The following ROBO2 variants were observed in gnomAD, a reference collection of about 807,000 sequenced individuals.
ROBO2 encodes the protein roundabout homolog 2.
ROBO2 carries 53 observed loss-of-function variants against 160.8 expected under a neutral mutation model. The ratio of observed to expected loss-of-function variants is 0.33; its 90% CI spans 0.26 to 0.41. ROBO2 has a LOEUF of 0.41. Ranked by LOEUF, ROBO2 falls within the 10% of genes least tolerant of loss-of-function variation. The pLI, the probability that ROBO2 is intolerant of heterozygous loss-of-function variation, is 1.00. For missense variants in ROBO2, 1,577 were observed against 1,722.4 expected (o/e 0.92, Z 1.49); for synonymous variants, 664 against 611.7 (o/e 1.09, Z -1.26).
At position 77,522,909 on chromosome 3, in the gene ROBO2, G is replaced by A. The variant is rs776270292; in HGVS notation, c.934+7G>A. On this transcript the variant is annotated splice_region_variant and intron_variant, in intron 6 of 25. Transcript: ENST00000461745. ...GCTACACTCACCGTCCGAGGTAAGA[G>A]ATTTAAGATGTCAAAGATAATTGAA... 6.2e-7 allele frequency: 1 copy of A among 1,608,768 alleles called. No individual in the cohort carries two copies. The highest frequency in any genetic ancestry group is 1.3e-5 in the African/African-American group (1 of 74,662).
intron 2 of ROBO2, among the ~76,000 whole-genome samples, chr3:76,103,689 T>C (rs528256823): frequency 2.6e-4 from 39 of 152,260 alleles, no homozygotes; most frequent in African/African-American, 9.1e-4. Context: ...TTTGAAAAGG[T>C]TACTTAAAAA....
chr3:76,156,363 C>A (rs4490372), intron 2 of ROBO2, among the ~76,000 whole-genome samples: 3,272 of 152,156 alleles, frequency 0.022, 208 homozygotes, highest in East Asian at 0.21. Flanking sequence ...TATCAGACTG[C>A]AAAAGAAGCC....
chr3:77,433,905 C>T (rs2079037879), intron 2 of ROBO2, among the ~76,000 whole-genome samples: 1 of 152,000 alleles, frequency 6.6e-6, no homozygotes, highest in African/African-American at 2.4e-5. Flanking sequence ...ATGTATTTTC[C>T]TCTAAATATA....
At chr3:75,930,657 A>T (rs1454213382) in intron 1 of ROBO2, among the ~76,000 whole-genome samples, 2 of 152,134 alleles carry the variant, frequency 1.3e-5, no homozygotes, top group Non-Finnish European at 2.9e-5. Context: ...GCACTCGAAT[A>T]ATTCAGAGAT....
chr3:77,636,602 A>AT lies in ROBO2; in HGVS notation c.3934+1559_3934+1560insT, dbSNP rs1236450596. Among the ~76,000 whole-genome samples the AT allele has an allele frequency of 2.0e-5, 3 of 152,060 alleles. No homozygotes were observed. The East Asian group carries it at 5.8e-4, about 29-fold the overall frequency. ...GCAAGACTCCTTCTTAAAAAAAAAA[A>AT]GAAAAGGAAGAAGGAAAATAAAAGT... On this transcript the variant is annotated intron_variant, in intron 24 of 25. Coordinates refer to ENST00000461745, the Ensembl canonical transcript of ROBO2.
chr3:76,266,111 A>G (rs1298357927), intron 2 of ROBO2, among the ~76,000 whole-genome samples: 2 of 152,066 alleles, frequency 1.3e-5, no homozygotes, highest in African/African-American at 4.8e-5. Context: ...TTTTATTGAG[A>G]CATTTACATT....
chr3:76,081,626 G>T (rs2068834373), intron 2 of ROBO2, among the ~76,000 whole-genome samples: 1 of 152,076 alleles, frequency 6.6e-6, no homozygotes, highest in Non-Finnish European at 1.5e-5. Flanking sequence ...CTCCTACAGA[G>T]AAATTTTCCA....
intron 2 of ROBO2, among the ~76,000 whole-genome samples, chr3:76,647,342 G>C (rs552881012): frequency 3.6e-4 from 55 of 152,214 alleles, no homozygotes; most frequent in African/African-American, 1.3e-3. Flanking sequence ...TCCTCCTCTA[G>C]CCTTTCAGTC....
chr3:76,724,385 C>T (rs757660827), intron 2 of ROBO2, among the ~76,000 whole-genome samples: 3 of 152,162 alleles, frequency 2.0e-5, no homozygotes, highest in Admixed American at 2.0e-4. Flanking sequence ...ACTGCTATAT[C>T]CAGCCATCTC....
At chr3:76,798,134 A>AAGAGAG (rs2063845585) in intron 2 of ROBO2, among the ~76,000 whole-genome samples, 1 of 74,968 alleles carries the variant, frequency 1.3e-5, no homozygotes, top group Non-Finnish European at 2.6e-5. Flanking sequence ...AGAAAGAAAG[A>AAGAGAG]AGAAAGAGAA....
chr3:77,458,592 CT>C (rs67051518), intron 2 of ROBO2, among the ~76,000 whole-genome samples: 121,855 of 147,994 alleles, frequency 0.82, 50,487 homozygotes, highest in Non-Finnish European at 0.87. Flanking sequence ...TTTTGTTTTT[CT>C]TTTTTTTTTT....
intron 2 of ROBO2, among the ~76,000 whole-genome samples, chr3:75,977,957 A>G (rs1386453159): frequency 2.6e-5 from 4 of 151,518 alleles, no homozygotes; most frequent in African/African-American, 4.8e-5. Context: ...AACCAACTCA[A>G]TGGAAAGATG....
chr3:77,096,840 C>T (rs1185970030), intron 1 of ROBO2, among the ~76,000 whole-genome samples: 2 of 152,162 alleles, frequency 1.3e-5, no homozygotes, highest in Non-Finnish European at 2.9e-5. Flanking sequence ...TTGTACTGTG[C>T]ATGGTGATAT....
intron 2 of ROBO2, among the ~76,000 whole-genome samples, chr3:76,423,096 G>T (rs780777192): frequency 1.3e-5 from 2 of 152,170 alleles, no homozygotes; most frequent in Non-Finnish European, 2.9e-5. Flanking sequence ...GATGGCAAGT[G>T]CAGGTGAGTT....
chr3:76,846,272 A>G (rs1428439752), intron 2 of ROBO2, among the ~76,000 whole-genome samples: 1 of 152,180 alleles, frequency 6.6e-6, no homozygotes, highest in Non-Finnish European at 1.5e-5. Context: ...CTGGTAATTA[A>G]CAGAATAGTT....
At chr3:77,082,614 G>GAT (rs377680810) in intron 1 of ROBO2, among the ~76,000 whole-genome samples, 9,269 of 149,490 alleles carry the variant, frequency 0.062, 306 homozygotes, top group Middle Eastern at 0.14. Context: ...TTAATTAACA[G>GAT]ATATATATAT....
At chr3:77,640,833 C>A (rs1721190) in intron 24 of ROBO2, among the ~76,000 whole-genome samples, 3 of 152,092 alleles carry the variant, frequency 2.0e-5, no homozygotes, top group African/African-American at 7.2e-5. Context: ...CATGTAATGT[C>A]CTTTCTTAAA....
chr3:77,146,430 C>T (rs2077126805), intron 2 of ROBO2, among the ~76,000 whole-genome samples: 1 of 151,936 alleles, frequency 6.6e-6, no homozygotes, highest in South Asian at 2.1e-4. Context: ...TCATTTTTTT[C>T]CCCTTTTAAA....
chr3:76,945,303 C>G (rs548264275), intron 2 of ROBO2, among the ~76,000 whole-genome samples: 1 of 152,096 alleles, frequency 6.6e-6, no homozygotes, highest in Non-Finnish European at 1.5e-5. Flanking sequence ...TGATGTCGCT[C>G]TCACTATAAC....
Sources: gnomAD v4.1 joint callset for allele counts (sites outside exome capture counted in the v4.1 genomes callset) on GRCh38, gnomAD v4.1.1 for gene constraint, MANE v1.5 for transcripts, NCBI Gene and HGNC (gene_info 2026-07-23, HGNC 2026-07-21) for gene names.